LRRTM4: variants seen among roughly 807,000 people sequenced by gnomAD.
The protein encoded by LRRTM4 is leucine rich repeat transmembrane neuronal 4, also known as leucine-rich repeat transmembrane neuronal protein 4.
Under a neutral mutation model 47.6 loss-of-function variants are expected in LRRTM4, and 25 were observed. That is an observed-to-expected ratio of 0.53 (90% CI 0.38 to 0.73). LRRTM4 has a LOEUF of 0.73. Among genes scored for constraint, LRRTM4 ranks in the 30% least tolerant of loss-of-function variants. The pLI, the probability that LRRTM4 is intolerant of heterozygous loss-of-function variation, is 0.00. For synonymous variants in LRRTM4, 311 were observed against 269.5 expected (o/e 1.15, Z -1.51); for missense variants, 638 against 713.4 (o/e 0.89, Z 1.20).
chr2:76,929,704 C>T (rs866668720), intron 3 of LRRTM4, among the ~76,000 whole-genome samples: 26 of 152,084 alleles, frequency 1.7e-4, no homozygotes, highest in Admixed American at 6.6e-5. Context: ...TGACAAAGCC[C>T]TTTCTGTATA....
chr2:77,471,978 G>A (rs1294752221), intron 3 of LRRTM4, among the ~76,000 whole-genome samples: 1 of 152,136 alleles, frequency 6.6e-6, no homozygotes, highest in Non-Finnish European at 1.5e-5. Flanking sequence ...TCATTCATAA[G>A]CCTGCATAGA....
chr2:77,402,957 A>G (rs1347000265), intron 3 of LRRTM4, among the ~76,000 whole-genome samples: 1 of 152,008 alleles, frequency 6.6e-6, no homozygotes, highest in African/African-American at 2.4e-5. Context: ...TTCTCTCATA[A>G]AGATGTGTAC....
intron 3 of LRRTM4, among the ~76,000 whole-genome samples, chr2:76,833,935 A>T (rs1396251650): frequency 6.6e-6 from 1 of 151,574 alleles, no homozygotes; most frequent in East Asian, 1.9e-4. Flanking sequence ...TCCTTCATAT[A>T]AGCAATTTTT....
At chr2:77,062,745 G>A (rs1314293827) in intron 3 of LRRTM4, among the ~76,000 whole-genome samples, 1 of 151,910 alleles carries the variant, frequency 6.6e-6, no homozygotes, top group Non-Finnish European at 1.5e-5. Context: ...TTGCCTCCAG[G>A]AATAAGCAGG....
chr2:76,887,222 C>A (rs1393342014), intron 3 of LRRTM4, among the ~76,000 whole-genome samples: 3 of 151,464 alleles, frequency 2.0e-5, no homozygotes, highest in Admixed American at 6.6e-5. Context: ...CATTAAACAG[C>A]AAAAGTTATA....
intron 3 of LRRTM4, among the ~76,000 whole-genome samples, chr2:77,047,144 G>A (rs376306129): frequency 1.3e-5 from 2 of 151,898 alleles, no homozygotes; most frequent in African/African-American, 4.8e-5. Flanking sequence ...CTTTAGCAAA[G>A]CATTTGTTTT....
At chr2:76,786,076 TACATTTTC>T (rs567638535) in intron 3 of LRRTM4, among the ~76,000 whole-genome samples, 48 of 152,302 alleles carry the variant, frequency 3.2e-4, no homozygotes, top group African/African-American at 1.1e-3. Context: ...CTTGGCAAAC[TACATTTTC>T]ACATTTTCAA....
intron 3 of LRRTM4, among the ~76,000 whole-genome samples, chr2:77,291,058 T>C (rs556307788): frequency 6.6e-6 from 1 of 152,230 alleles, no homozygotes; most frequent in South Asian, 2.1e-4. Context: ...GTAAGAGTGG[T>C]GCTTTATTCA....
chr2:77,293,506 C>T (rs1174961254), intron 3 of LRRTM4, among the ~76,000 whole-genome samples: 3 of 151,976 alleles, frequency 2.0e-5, no homozygotes, highest in South Asian at 2.1e-4. Flanking sequence ...CAAAAATATC[C>T]GGTATTATTA....
At chr2:76,944,811 C>T (rs946769435) in intron 3 of LRRTM4, among the ~76,000 whole-genome samples, 3 of 151,704 alleles carry the variant, frequency 2.0e-5, no homozygotes, top group East Asian at 1.9e-4. Context: ...TTACAAATGG[C>T]GAGTAAAAAG....
intron 3 of LRRTM4, among the ~76,000 whole-genome samples, chr2:77,142,648 A>G (rs1672155238): frequency 6.6e-6 from 1 of 152,200 alleles, no homozygotes; most frequent in Non-Finnish European, 1.5e-5. Context: ...TAACAAGACC[A>G]TGATTGACCT....
intron 3 of LRRTM4, among the ~76,000 whole-genome samples, chr2:76,899,226 C>A (rs1299351238): frequency 1.3e-5 from 2 of 151,234 alleles, no homozygotes; most frequent in Admixed American, 6.6e-5. Context: ...GAGAGAGATG[C>A]TGGGACACAG....
intron 3 of LRRTM4, among the ~76,000 whole-genome samples, chr2:76,794,744 C>G (rs981312110): frequency 1.3e-5 from 2 of 151,846 alleles, no homozygotes; most frequent in Non-Finnish European, 2.9e-5. Context: ...GGTGTACTGT[C>G]TTGTACTTTT....
intron 2 of LRRTM4, among the ~76,000 whole-genome samples, chr2:77,520,092 A>G (rs1679424742): frequency 6.6e-6 from 1 of 152,054 alleles, no homozygotes; most frequent in Admixed American, 6.6e-5. Flanking sequence ...TAGAATTAAG[A>G]AAAGCCTTTT....
chr2:77,064,934 C>T (rs1405639907), intron 3 of LRRTM4, among the ~76,000 whole-genome samples: 1 of 152,092 alleles, frequency 6.6e-6, no homozygotes, highest in Non-Finnish European at 1.5e-5. Context: ...GGAGCCTGCC[C>T]ATTCCCATAC....
At chr2:77,170,631 A>G (rs1673020173) in intron 3 of LRRTM4, among the ~76,000 whole-genome samples, 1 of 152,122 alleles carries the variant, frequency 6.6e-6, no homozygotes, top group Admixed American at 6.6e-5. Flanking sequence ...TTCCAAAGAG[A>G]GTTTAAAGTT....
intron 3 of LRRTM4, among the ~76,000 whole-genome samples, chr2:76,970,542 A>G (rs755128761): frequency 6.6e-6 from 1 of 152,064 alleles, no homozygotes; most frequent in Non-Finnish European, 1.5e-5. Context: ...TCATATGACT[A>G]TTAAAAATAT....
intron 3 of LRRTM4, among the ~76,000 whole-genome samples, chr2:77,350,372 A>C (rs1462770563): frequency 3.4e-5 from 5 of 147,324 alleles, no homozygotes; most frequent in African/African-American, 5.0e-5. Flanking sequence ...AAGAAATTGG[A>C]AATGCTGAGG....
Position 77,359,201 on chromosome 2 carries a change from G to A in LRRTM4, c.1551+159117C>T, listed in dbSNP as rs72622651. ...CCACCTTTGTTTCTAATTATTTTAT[G>A]TTCTTGTTTTATGACTTTATAACCT... On this transcript the variant is annotated intron_variant, in intron 3 of 3. Transcript: ENST00000409884. Among the ~76,000 whole-genome samples, 2,401 of 152,086 alleles carry A rather than the reference G, an allele frequency of 0.016. 246 individuals are homozygous for A. The East Asian group carries it at 0.29, about 19-fold the overall frequency.
Sources: allele counts gnomAD v4.1 joint callset (sites outside exome capture counted in the v4.1 genomes callset), GRCh38; gene constraint gnomAD v4.1.1; transcripts MANE v1.5; gene names NCBI Gene and HGNC (gene_info 2026-07-23, HGNC 2026-07-21).